SCARA3: variants seen among roughly 807,000 people sequenced by gnomAD.
SCARA3 encodes scavenger receptor class A member 3.
A neutral mutation model predicts 47.0 loss-of-function variants in SCARA3; 39 were observed. The observed-to-expected ratio is 0.83, with a 90% CI of 0.64 to 1.08. The LOEUF is 1.08. SCARA3 is among the 50% of genes least tolerant of loss of function. The pLI, the probability that SCARA3 is intolerant of heterozygous loss-of-function variation, is 0.00. For synonymous variants in SCARA3, 356 were observed against 334.1 expected (o/e 1.07, Z -0.71); for missense variants, 724 against 792.3 (o/e 0.91, Z 1.04).
At chr8:27,707,087 C>G in the SCARA3 span, among the ~76,000 whole-genome samples, 1 of 152,136 alleles carries the variant, frequency 6.6e-6, no homozygotes, top group Non-Finnish European at 1.5e-5. Flanking sequence ...AGATTTAGGG[C>G]TGAAAAGGAG....
At chr8:27,728,907 G>A in the SCARA3 span, among the ~76,000 whole-genome samples, 14 of 152,140 alleles carry the variant, frequency 9.2e-5, no homozygotes, top group African/African-American at 3.1e-4. Context: ...TAAGTGGTTA[G>A]TAAAGGTGGT....
intron 5 of SCARA3, among the ~76,000 whole-genome samples, chr8:27,668,325 G>A (rs1287867940): frequency 6.6e-6 from 1 of 151,788 alleles, no homozygotes; most frequent in East Asian, 1.9e-4. Context: ...TGGATCATGA[G>A]GTCAGGAGAT....
the SCARA3 span, among the ~76,000 whole-genome samples, chr8:27,709,506 A>G: frequency 6.6e-6 from 1 of 152,166 alleles, no homozygotes; most frequent in Non-Finnish European, 1.5e-5. Flanking sequence ...GTGTTTGGGT[A>G]GTAGTGTTGA....
the SCARA3 span, among the ~76,000 whole-genome samples, chr8:27,704,003 T>C: frequency 2.8e-3 from 429 of 151,390 alleles, 2 homozygotes; most frequent in African/African-American, 9.5e-3. Flanking sequence ...TAAATAAAGG[T>C]TAAAAGTAAT....
chr8:27,729,817 T>C, the SCARA3 span, among the ~76,000 whole-genome samples: 2 of 152,036 alleles, frequency 1.3e-5, no homozygotes, highest in South Asian at 4.2e-4. Flanking sequence ...AAATTAAAAA[T>C]ATAAACAATA....
At chr8:27,725,219 A>G in the SCARA3 span, among the ~76,000 whole-genome samples, 1 of 152,176 alleles carries the variant, frequency 6.6e-6, no homozygotes, top group Admixed American at 6.5e-5. Flanking sequence ...CACATCAGAG[A>G]TAAAAGATAT....
chr8:27,719,353 G>A, the SCARA3 span, among the ~76,000 whole-genome samples: 1 of 152,072 alleles, frequency 6.6e-6, no homozygotes, highest in African/African-American at 2.4e-5. Context: ...CGCATAGAAG[G>A]GAACAACACA....
At chr8:27,730,947 C>A in the SCARA3 span, among the ~76,000 whole-genome samples, 2 of 150,974 alleles carry the variant, frequency 1.3e-5, no homozygotes, top group African/African-American at 4.9e-5. Flanking sequence ...AAGAAAAATT[C>A]TTCCTGATCC....
chr8:27,714,905 T>C, the SCARA3 span, among the ~76,000 whole-genome samples: 1 of 152,212 alleles, frequency 6.6e-6, no homozygotes, highest in Admixed American at 6.5e-5. Context: ...ACTCTTTAAG[T>C]TTCTTTTTCT....
At chr8:27,716,914 TG>T in the SCARA3 span, among the ~76,000 whole-genome samples, 801 of 152,292 alleles carry the variant, frequency 5.3e-3, 9 homozygotes, top group African/African-American at 0.019. Context: ...TCGTAGGGCA[TG>T]GTAAGAAGAA....
chr8:27,695,400 A>G, the SCARA3 span, among the ~76,000 whole-genome samples: 1 of 152,234 alleles, frequency 6.6e-6, no homozygotes, highest in Admixed American at 6.5e-5. Context: ...TGGACCAAAA[A>G]TTAATGTTCT....
chr8:27,707,561 A>C, the SCARA3 span, among the ~76,000 whole-genome samples: 2 of 152,104 alleles, frequency 1.3e-5, no homozygotes, highest in Admixed American at 1.3e-4. Context: ...AATGAGGACT[A>C]ACAGAGAAAA....
At chr8:27,693,722 A>C in the SCARA3 span, among the ~76,000 whole-genome samples, 3 of 152,174 alleles carry the variant, frequency 2.0e-5, no homozygotes, top group African/African-American at 7.2e-5. Flanking sequence ...CTTACGGTCC[A>C]TTCTGTCTAA....
rs1006463220 is a variant in SCARA3 at position 27,672,994 on chromosome 8, A to G, written c.*1643A>G. The G allele has an allele frequency of 6.1e-6, 6 of 985,232 alleles. No homozygotes were observed. Among genetic ancestry groups the G allele is most frequent in the African/African-American group, 1.7e-5 (1 of 57,212 alleles). 61.0% of individuals were successfully genotyped at this position (985,232 alleles called of 1,614,324 possible). On this transcript the variant is annotated 3_prime_UTR_variant, in exon 6 of 6. Coordinates refer to ENST00000301904, the MANE Select transcript of SCARA3 (RefSeq NM_016240.3). ...AATACCATTCTGCATAGTATTACTG[A>G]CTCAGTAAAGAGCTATTTCCAGGAG... is the stretch of plus-strand genomic sequence containing the variant.
chr8:27,712,916 G>A, the SCARA3 span, among the ~76,000 whole-genome samples: 4 of 151,966 alleles, frequency 2.6e-5, no homozygotes, highest in South Asian at 8.3e-4. Context: ...AAAGTACAAA[G>A]TACTGTTTCC....
chr8:27,725,645 A>G, the SCARA3 span, among the ~76,000 whole-genome samples: 1 of 151,962 alleles, frequency 6.6e-6, no homozygotes, highest in East Asian at 1.9e-4. Context: ...AATTGTCTCT[A>G]CCCTATTCCT....
At chr8:27,705,645 C>T in the SCARA3 span, among the ~76,000 whole-genome samples, 13 of 152,230 alleles carry the variant, frequency 8.5e-5, no homozygotes, top group African/African-American at 3.1e-4. Context: ...TAAGTATTTA[C>T]TTAGTGTGTA....
chr8:27,684,116 G>T, the SCARA3 span, among the ~76,000 whole-genome samples: 4 of 152,082 alleles, frequency 2.6e-5, no homozygotes, highest in Admixed American at 6.6e-5. Flanking sequence ...TATGTTAACA[G>T]GTGGGTGATT....
intron 1 of SCARA3, among the ~76,000 whole-genome samples, chr8:27,644,764 T>G (rs549804450): frequency 6.6e-6 from 1 of 152,296 alleles, no homozygotes; most frequent in South Asian, 2.1e-4. Flanking sequence ...ACACCCAGCA[T>G]GCTTCACACT....
Sources: allele counts gnomAD v4.1 joint callset (sites outside exome capture counted in the v4.1 genomes callset), GRCh38; gene constraint gnomAD v4.1.1; transcripts MANE v1.5; gene names NCBI Gene and HGNC (gene_info 2026-07-23, HGNC 2026-07-21).